CYFIP1: variants seen among roughly 807,000 people sequenced by gnomAD.
CYFIP1 encodes the protein cytoplasmic FMR1-interacting protein 1.
A neutral mutation model predicts 163.5 loss-of-function variants in CYFIP1; 58 were observed. The ratio of observed to expected loss-of-function variants is 0.35; its 90% CI spans 0.29 to 0.44. CYFIP1 has a LOEUF of 0.44. CYFIP1 is among the 20% of genes least tolerant of loss of function. The pLI is 1.00. For missense variants in CYFIP1, 1,338 were observed against 1,653.8 expected, an observed-to-expected ratio of 0.81 and a Z score of 3.31; for synonymous variants, 663 against 660.7, an observed-to-expected ratio of 1.00 and a Z score of -0.05.
chr15:22,875,426 C>A, intron 26 of CYFIP1, 155 bp from the exon 27 acceptor site: 1 of 729,376 alleles, frequency 1.4e-6, no homozygotes, highest in Non-Finnish European at 2.4e-6. Context: ...GATGGAAATG[C>A]TTCCGTCTGT....
chr15:22,927,337 C>T (rs2061386548), intron 12 of CYFIP1, among the ~76,000 whole-genome samples: 1 of 151,834 alleles, frequency 6.6e-6, no homozygotes, highest in South Asian at 2.1e-4. Flanking sequence ...AAAAAATTAG[C>T]CAGAAGTGGT....
intron 26 of CYFIP1, 36 bp downstream of exon 26, chr15:22,879,877 T>C (rs1340325689): frequency 8.8e-7 from 1 of 1,133,404 alleles, no homozygotes; most frequent in Non-Finnish European, 1.1e-6. Flanking sequence ...TGGGGTGGGC[T>C]GGGGCGGGGA....
chr15:22,885,960 G>A lies in CYFIP1; in HGVS notation c.2677-2949C>T, dbSNP rs529376594. Among the ~76,000 whole-genome samples the A allele has an allele frequency of 3.6e-3, 551 of 152,218 alleles. 2 individuals carry two copies. The highest frequency in any genetic ancestry group is 6.2e-3 in the Non-Finnish European group (425 of 68,012). On this transcript the variant is annotated intron_variant, in intron 23 of 30. Coordinates refer to ENST00000617928, the MANE Select transcript of CYFIP1 (RefSeq NM_014608.6). ...TTCACCCTGCTAAAAATAAATACCTGAGACTGGATAATTTATAAAGGAAAG... is the reference window on the plus strand; with the variant it reads ...TTCACCCTGCTAAAAATAAATACCTAAGACTGGATAATTTATAAAGGAAAG...
chr15:22,950,906 G>A (rs1349045901), intron 1 of CYFIP1, among the ~76,000 whole-genome samples: 2 of 152,240 alleles, frequency 1.3e-5, no homozygotes, highest in Non-Finnish European at 2.9e-5. Context: ...GAGAGAGAGA[G>A]AGAGACCACG....
At chr15:22,890,334 C>A (rs2060041823) in intron 23 of CYFIP1, among the ~76,000 whole-genome samples, 1 of 150,676 alleles carries the variant, frequency 6.6e-6, no homozygotes. Context: ...AAAGAAAAGT[C>A]AACTTCAATC....
chr15:22,914,936 T>C (rs55930951), intron 16 of CYFIP1, 54 bp from the exon 17 acceptor site: 26,434 of 1,551,456 alleles, frequency 0.017, 327 homozygotes, highest in Non-Finnish European at 0.02. Flanking sequence ...AAAAAACCTT[T>C]AGCAGAGATG....
At chr15:22,914,106 G>A (rs1355472955) in intron 17 of CYFIP1, among the ~76,000 whole-genome samples, 1 of 152,192 alleles carries the variant, frequency 6.6e-6, no homozygotes, top group African/African-American at 2.4e-5. Flanking sequence ...CCAGAACAAA[G>A]CTGTTCAATC....
intron 1 of CYFIP1, among the ~76,000 whole-genome samples, chr15:22,968,521 G>T (rs1036118479): frequency 6.6e-6 from 1 of 152,150 alleles, no homozygotes; most frequent in Non-Finnish European, 1.5e-5. Context: ...CTACAATTGT[G>T]AGTCAGATCC....
intron 23 of CYFIP1, among the ~76,000 whole-genome samples, chr15:22,888,599 G>A (rs564973514): frequency 1.3e-5 from 2 of 152,192 alleles, no homozygotes; most frequent in East Asian, 1.9e-4. Context: ...AGATGTGGTG[G>A]TGCATGCCTG....
chr15:22,894,688 A>G (rs1027693383), intron 22 of CYFIP1, among the ~76,000 whole-genome samples: 3 of 151,096 alleles, frequency 2.0e-5, no homozygotes, highest in Non-Finnish European at 4.4e-5. Context: ...GCCTTAATTT[A>G]TTTTGTCTAT....
At chr15:22,889,631 A>T (rs533430434) in intron 23 of CYFIP1, among the ~76,000 whole-genome samples, 92 of 151,880 alleles carry the variant, frequency 6.1e-4, no homozygotes, top group Admixed American at 1.7e-3. Flanking sequence ...TCGCCTGCCT[A>T]CCCCCCGCCT....
intron 30 of CYFIP1, 144 bp from the exon 31 acceptor site, chr15:22,870,336 T>G: frequency 1.0e-6 from 1 of 995,332 alleles, no homozygotes; most frequent in Non-Finnish European, 1.4e-6. Flanking sequence ...TGGGTTTTTT[T>G]TTGTAAGATA....
chr15:22,955,502 G>A (rs539174693), intron 1 of CYFIP1, among the ~76,000 whole-genome samples: 50 of 152,270 alleles, frequency 3.3e-4, no homozygotes, highest in Admixed American at 2.4e-3. Flanking sequence ...GAGTTGCCCC[G>A]GCGTGGGCAG....
chr15:22,931,952 T>C (rs188581757), intron 11 of CYFIP1, among the ~76,000 whole-genome samples: 24 of 152,252 alleles, frequency 1.6e-4, no homozygotes, highest in African/African-American at 5.1e-4. Flanking sequence ...ACGTGCTCCA[T>C]AGGTGTGTGG....
At chr15:22,926,435 GT>G (rs2061360082) in intron 12 of CYFIP1, among the ~76,000 whole-genome samples, 1 of 152,176 alleles carries the variant, frequency 6.6e-6, no homozygotes, top group African/African-American at 2.4e-5. Context: ...CACTTGGGAG[GT>G]TGAGGCAGGA....
At chr15:22,886,460 C>G (rs758864651) in intron 23 of CYFIP1, among the ~76,000 whole-genome samples, 6 of 152,190 alleles carry the variant, frequency 3.9e-5, no homozygotes. Flanking sequence ...ACTTCTTTAG[C>G]TGTATATATC....
Position 22,926,113 on chromosome 15 carries a change from G to A in CYFIP1, c.1234-6C>T, listed in dbSNP as rs766187143. On this transcript the variant is annotated splice_polypyrimidine_tract_variant and splice_region_variant and intron_variant, in intron 12 of 30. Coordinates refer to ENST00000617928, the MANE Select transcript of CYFIP1 (RefSeq NM_014608.6). ...TGCACAAGCTTCCAGGAATACTGTGGTGGCCGAAAGAGCAGAGGTGTTCCA... is the reference window on the plus strand; with the variant it reads ...TGCACAAGCTTCCAGGAATACTGTGATGGCCGAAAGAGCAGAGGTGTTCCA... 5 of 1,614,108 alleles carry A rather than the reference G, an allele frequency of 3.1e-6. No individual in the cohort carries two copies. The East Asian group carries it at 6.7e-5, about 22-fold the overall frequency.
chr15:22,929,325 G>A (rs953186562), intron 11 of CYFIP1, among the ~76,000 whole-genome samples: 2 of 151,820 alleles, frequency 1.3e-5, no homozygotes, highest in Admixed American at 6.6e-5. Context: ...TAGTAGTGCT[G>A]GCATTGCTCT....
intron 16 of CYFIP1, among the ~76,000 whole-genome samples, chr15:22,915,707 C>T (rs1052238289): frequency 2.0e-5 from 3 of 152,072 alleles, no homozygotes; most frequent in African/African-American, 4.8e-5. Flanking sequence ...TGAGATCGCC[C>T]CACTGTACTC....
Sources: gnomAD v4.1 joint callset for allele counts (sites outside exome capture counted in the v4.1 genomes callset) on GRCh38, gnomAD v4.1.1 for gene constraint, MANE v1.5 for transcripts, NCBI Gene and HGNC (gene_info 2026-07-23, HGNC 2026-07-21) for gene names.